DPF3: variants seen among roughly 807,000 people sequenced by gnomAD.
DPF3 encodes double PHD fingers 3.
A neutral mutation model predicts 56.8 loss-of-function variants in DPF3; 18 were observed. That is an observed-to-expected ratio of 0.32 (90% CI 0.22 to 0.47). The LOEUF is 0.47. DPF3 is among the 20% of genes least tolerant of loss of function. DPF3 has a pLI of 1.00. For missense variants in DPF3, 403 were observed against 488.8 expected (o/e 0.82, Z 1.65); for synonymous variants, 188 against 180.2 (o/e 1.04, Z -0.35).
chr14:72,672,060 G>GACACACACAC (rs369762823), intron 8 of DPF3, among the ~76,000 whole-genome samples: 1 of 132,976 alleles, frequency 7.5e-6, no homozygotes, highest in Admixed American at 7.4e-5. Context: ...CACACACACA[G>GACACACACAC]ACACACACAC....
intron 3 of DPF3, among the ~76,000 whole-genome samples, chr14:72,749,969 GA>G (rs1253148434): frequency 6.6e-6 from 1 of 152,204 alleles, no homozygotes; most frequent in East Asian, 1.9e-4. Flanking sequence ...CCTGAAGCCA[GA>G]TAAACCCTGG....
At chr14:72,858,163 C>T (rs1885242107) in intron 1 of DPF3, among the ~76,000 whole-genome samples, 1 of 151,936 alleles carries the variant, frequency 6.6e-6, no homozygotes, top group Non-Finnish European at 1.5e-5. Flanking sequence ...AACAAATTAG[C>T]CAGGTATGGT....
intron 4 of DPF3, among the ~76,000 whole-genome samples, chr14:72,727,730 G>A (rs1320939383): frequency 5.3e-5 from 8 of 152,134 alleles, no homozygotes; most frequent in African/African-American, 1.9e-4. Context: ...TATGAGTAGA[G>A]AGGATAGGTA....
intron 8 of DPF3, among the ~76,000 whole-genome samples, chr14:72,668,408 C>T (rs1449235015): frequency 6.6e-6 from 1 of 152,206 alleles, no homozygotes; most frequent in African/African-American, 2.4e-5. Context: ...CAAGGTGAGA[C>T]AAGATGGTCT....
intron 1 of DPF3, among the ~76,000 whole-genome samples, chr14:72,777,643 G>A (rs1891797887): frequency 6.6e-6 from 1 of 152,164 alleles, no homozygotes; most frequent in Admixed American, 6.5e-5. Context: ...GATCATGTGG[G>A]CACATCCCTC....
rs1454662220 is a variant in DPF3 at position 72,699,205 on chromosome 14, A to G, written c.605-5992T>C. Among the ~76,000 whole-genome samples, 3 of 152,262 alleles carry G rather than the reference A, an allele frequency of 2.0e-5. No individual in the cohort carries two copies. In the East Asian group the frequency reaches 5.8e-4, roughly 29 times the overall value. ...GATCTTAAGAAACTGGTGGAAAAAG[A>G]GAAACTGATTTTTTAAAAATTTGTT... On this transcript the variant is annotated intron_variant, in intron 6 of 10. Coordinates refer to ENST00000556509, the MANE Select transcript of DPF3 (RefSeq NM_001280542.3).
chr14:72,850,951 T>C (rs749238343), intron 1 of DPF3, among the ~76,000 whole-genome samples: 3 of 152,188 alleles, frequency 2.0e-5, no homozygotes, highest in African/African-American at 2.4e-5. Context: ...CCAGAAAGTA[T>C]CAGTCCCACT....
intron 1 of DPF3, among the ~76,000 whole-genome samples, chr14:72,772,848 C>G (rs2332917): frequency 0.022 from 3,421 of 152,182 alleles, 162 homozygotes; most frequent in South Asian, 0.16. Flanking sequence ...AATAACATAA[C>G]TTATGCCAGG....
chr14:72,699,452 G>A (rs1158957211), intron 6 of DPF3, among the ~76,000 whole-genome samples: 2 of 150,506 alleles, frequency 1.3e-5, no homozygotes, highest in African/African-American at 4.9e-5. Context: ...AGCCCAGGAG[G>A]TCGAGGGTGC....
chr14:72,816,307 A>T (rs80222747), intron 1 of DPF3, among the ~76,000 whole-genome samples: 2,041 of 152,292 alleles, frequency 0.013, 45 homozygotes, highest in African/African-American at 0.047. Context: ...CCTTAATAAG[A>T]TTGACATTTG....
intron 1 of DPF3, among the ~76,000 whole-genome samples, chr14:72,838,253 G>A (rs1884379717): frequency 6.6e-6 from 1 of 152,210 alleles, no homozygotes; most frequent in Admixed American, 6.5e-5. Flanking sequence ...CAGCACTCTG[G>A]GAGGCCGAGA....
chr14:72,731,417 C>T (rs769702764), intron 4 of DPF3: 85 of 182,314 alleles, frequency 4.7e-4, no homozygotes, highest in Non-Finnish European at 7.9e-4. Context: ...GCCGGACTCA[C>T]GTGGCCGTAG....
At chr14:72,771,596 G>T (rs1278631570) in intron 2 of DPF3, 137 bp downstream of exon 2, 3 of 967,662 alleles carry the variant, frequency 3.1e-6, no homozygotes, top group African/African-American at 1.7e-5. Flanking sequence ...CTTCTTTAAG[G>T]TATCTCAGAG....
At position 72,785,279 on chromosome 14, in the gene DPF3, T is replaced by C. The variant is rs529716107; in HGVS notation, c.33-13386A>G. On this transcript the variant is annotated intron_variant, in intron 1 of 10. Transcript: ENST00000556509. ...GTGCCAGGCACTGTTCTAAGCACTT[T>C]ACATGTATTATCCCCATACAACTTG... is the stretch of plus-strand genomic sequence containing the variant. 2.4e-4 allele frequency among the ~76,000 whole-genome samples: 36 copies of C among 152,346 alleles called. No individual in the cohort carries two copies. The South Asian group carries it at 5.0e-3, about 21-fold the overall frequency.
chr14:72,706,146 G>A (rs1181861121), intron 6 of DPF3, among the ~76,000 whole-genome samples: 5 of 152,088 alleles, frequency 3.3e-5, no homozygotes, highest in African/African-American at 1.2e-4. Flanking sequence ...AATATTCCAG[G>A]TCTATAATAT....
chr14:72,791,965 G>A (rs73302173), intron 1 of DPF3, among the ~76,000 whole-genome samples: 7,117 of 152,252 alleles, frequency 0.047, 394 homozygotes, highest in African/African-American at 0.13. Flanking sequence ...AGGTGGAGCA[G>A]GATGACAGTT....
In DPF3 at chr14:72,712,999, C is replaced by T. The variant is rs975780850; in HGVS notation, c.604+1424G>A. Among the ~76,000 whole-genome samples, 8 of 152,390 alleles carry T rather than the reference C, an allele frequency of 5.2e-5. No individual in the cohort carries two copies. The South Asian group carries it at 8.3e-4, about 16-fold the overall frequency. ...CCAAACACAGCTAGAAAGCCCAAGACGGTCTGAGGGCCCTTCCCAGCCCAT... is the reference window on the plus strand; with the variant it reads ...CCAAACACAGCTAGAAAGCCCAAGATGGTCTGAGGGCCCTTCCCAGCCCAT... On this transcript the variant is annotated intron_variant, in intron 6 of 10. Coordinates refer to ENST00000556509, the MANE Select transcript of DPF3 (RefSeq NM_001280542.3).
At chr14:72,774,768 G>A (rs35462620) in intron 1 of DPF3, among the ~76,000 whole-genome samples, 25,023 of 152,172 alleles carry the variant, frequency 0.16, 2,608 homozygotes, top group East Asian at 0.25. Flanking sequence ...TAATAGTCAC[G>A]CAGCTGGAAA....
At chr14:72,674,026 CT>C (rs1015281484) in intron 8 of DPF3, 2 of 657,762 alleles carry the variant, frequency 3.0e-6, no homozygotes, top group African/African-American at 3.6e-5. Flanking sequence ...CCCAAAACTT[CT>C]CTTTGCCCTT....
Sources: gnomAD v4.1 joint callset for allele counts (sites outside exome capture counted in the v4.1 genomes callset) on GRCh38, gnomAD v4.1.1 for gene constraint, MANE v1.5 for transcripts, NCBI Gene and HGNC (gene_info 2026-07-23, HGNC 2026-07-21) for gene names.